The following PARD3B variants were observed in gnomAD, a reference collection of about 807,000 sequenced individuals.
PARD3B encodes the protein partitioning defective 3 homolog B.
PARD3B carries 103 observed loss-of-function variants against 130.2 expected under a neutral mutation model. The ratio of observed to expected loss-of-function variants is 0.79; its 90% CI spans 0.67 to 0.93. PARD3B has a LOEUF of 0.93. Among genes scored for constraint, PARD3B ranks in the 40% least tolerant of loss-of-function variants. The probability of loss-of-function intolerance (pLI) is 0.00; values close to 1 mark genes in which losing one functional copy is unlikely to be tolerated. For missense variants in PARD3B, 1,609 were observed against 1,499.2 expected (o/e 1.07, Z -1.21); for synonymous variants, 583 against 553.2 (o/e 1.05, Z -0.76).
chr2:205,279,430 A>G (rs1329783607), intron 16 of PARD3B, among the ~76,000 whole-genome samples: 1 of 152,058 alleles, frequency 6.6e-6, no homozygotes. Context: ...CATTTTCCTC[A>G]TTATATTTTT....
intron 1 of PARD3B, among the ~76,000 whole-genome samples, chr2:204,674,134 A>G (rs1029314757): frequency 2.0e-5 from 3 of 152,216 alleles, no homozygotes; most frequent in African/African-American, 7.2e-5. Flanking sequence ...TGAGTAAGAT[A>G]AATGAGGTTT....
At chr2:205,020,465 G>T (rs1412514116) in intron 3 of PARD3B, among the ~76,000 whole-genome samples, 1 of 152,008 alleles carries the variant, frequency 6.6e-6, no homozygotes, top group Non-Finnish European at 1.5e-5. Context: ...AAATAAGAGG[G>T]TTATTCTTCT....
rs60298501 is a variant in PARD3B, at chr2:204,764,715, C to CATGTGTGTGTGTGT, written c.222+78433_222+78434insATGTGTGTGTGTGT. Reference sequence around the variant, plus strand: ...CAGCAGGCTGAATCTGGCATGCATGCGTGTGTGTGTGTGTGTGTGTGTGTG... The same window carrying CATGTGTGTGTGTGT: ...CAGCAGGCTGAATCTGGCATGCATGCATGTGTGTGTGTGTGTGTGTGTGTGTGTGTGTGTGTGTG... On this transcript the variant is annotated intron_variant, in intron 2 of 22. Coordinates refer to ENST00000406610, the MANE Select transcript of PARD3B (RefSeq NM_001302769.2). 7.0e-3 allele frequency among the ~76,000 whole-genome samples: 1,027 copies of CATGTGTGTGTGTGT among 145,742 alleles called. 9 individuals are homozygous for CATGTGTGTGTGTGT. Among genetic ancestry groups the CATGTGTGTGTGTGT allele is most frequent in the African/African-American group, 0.024 (961 of 39,596 alleles).
chr2:205,533,516 G>A (rs942391038), intron 21 of PARD3B, among the ~76,000 whole-genome samples: 6 of 151,952 alleles, frequency 3.9e-5, no homozygotes, highest in Non-Finnish European at 2.9e-5. Flanking sequence ...TTACACTTGA[G>A]GCAAAGTATA....
At chr2:205,603,396 G>A (rs1168425306) in intron 22 of PARD3B, among the ~76,000 whole-genome samples, 1 of 152,150 alleles carries the variant, frequency 6.6e-6, no homozygotes, top group Non-Finnish European at 1.5e-5. Flanking sequence ...TTCGAGTCCT[G>A]AATATCCTTG....
intron 2 of PARD3B, among the ~76,000 whole-genome samples, chr2:204,693,271 G>C (rs1372789047): frequency 3.3e-5 from 5 of 151,830 alleles, no homozygotes; most frequent in Admixed American, 3.3e-4. Flanking sequence ...AATATTTCAG[G>C]CCAAGGTTAC....
rs1350136588 is a variant in PARD3B, at chr2:205,620,063, C to T, written c.*4250C>T. On this transcript the variant is annotated 3_prime_UTR_variant, in exon 23 of 23. Coordinates refer to ENST00000406610, the MANE Select transcript of PARD3B (RefSeq NM_001302769.2). ...TCTTTACAGACTTTTTAAGATGATC[C>T]ATTTGTACCACAGAAAACATTTTGG... is the stretch of plus-strand genomic sequence containing the variant. 6.6e-6 allele frequency: 1 copy of T among 151,942 alleles called. No individual in the cohort carries two copies. The highest frequency in any genetic ancestry group is 6.6e-5 in the Admixed American group (1 of 15,264). The allele number at this position is 151,942 out of a possible 1,614,324, so 9.4% of individuals were successfully genotyped here.
rs1171919788 is a variant in PARD3B, at chr2:205,458,257, G to C, written c.3044+17585G>C. On this transcript the variant is annotated intron_variant, in intron 20 of 22. Transcript: ENST00000406610. This position sits in a 1 kb window ranked among gnomAD's most constrained non-coding sequence, Gnocchi z 4.8. The stretch of plus-strand genomic sequence containing the variant: ...TTCAGAATTGTTTCTGTTCCCTCCT[G>C]CTCCTCTTCCTCTCCTCTTCTTCCT... Among the ~76,000 whole-genome samples the C allele has an allele frequency of 1.3e-5, 2 of 151,928 alleles. No homozygotes were observed. Among genetic ancestry groups the C allele is most frequent in the African/African-American group, 2.4e-5 (1 of 41,364 alleles).
chr2:205,301,502 G>T lies in PARD3B; in HGVS notation c.2431G>T (p.Ala811Ser). Reference protein sequence around the residue: ...SDKSSHSGQGALNCESAPQGN... With the variant: ...SDKSSHSGQGSLNCESAPQGN... ...TAAGAGCTCTCACTCTGGCCAAGGA[G>T]CTCTGAATTGTGAGTCTGCCCCTCA... The change falls in exon 18 of 23, where the codon GCT (alanine) becomes TCT (serine). Residue 811 changes from alanine (A) to serine (S), a missense_variant. Coordinates refer to ENST00000406610, the MANE Select transcript of PARD3B (RefSeq NM_001302769.2). This position sits in a 1 kb window ranked among gnomAD's most constrained non-coding sequence, Gnocchi z 5.2. The T allele has an allele frequency of 1.2e-6, 2 of 1,613,870 alleles. No homozygotes were observed. The highest frequency in any genetic ancestry group is 1.7e-6 in the Non-Finnish European group (2 of 1,179,972).
At chr2:205,235,954 C>T (rs1477034927) in intron 15 of PARD3B, among the ~76,000 whole-genome samples, 1 of 152,108 alleles carries the variant, frequency 6.6e-6, no homozygotes, top group East Asian at 1.9e-4. Flanking sequence ...GTCAATAAAC[C>T]ATTAACCAGA....
At chr2:205,518,031 T>C (rs2050867302) in intron 21 of PARD3B, among the ~76,000 whole-genome samples, 1 of 152,184 alleles carries the variant, frequency 6.6e-6, no homozygotes, top group Non-Finnish European at 1.5e-5. Flanking sequence ...GTATGTGCCA[T>C]GTGGTGATGA....
chr2:205,301,832 C>G lies in PARD3B; in HGVS notation c.2630+131C>G, dbSNP rs774587468. 2 of 1,396,998 alleles carry G rather than the reference C, an allele frequency of 1.4e-6. No individual in the cohort carries two copies. Among genetic ancestry groups the G allele is most frequent in the East Asian group, 2.3e-5 (1 of 43,828 alleles). 86.5% of individuals were successfully genotyped at this position (1,396,998 alleles called of 1,614,324 possible). On this transcript the variant is annotated intron_variant, in intron 18 of 22. Coordinates refer to ENST00000406610, the MANE Select transcript of PARD3B (RefSeq NM_001302769.2). The surrounding 1 kb of genome is among the most constrained non-coding windows in gnomAD (Gnocchi z 5.2). ...AGCCAAATGCATACGGCTCTCAATT[C>G]TGTGCTCGTTCTCTTTCTGCAGAGG...
chr2:204,979,662 T>G (rs1297523971), intron 3 of PARD3B, among the ~76,000 whole-genome samples: 1 of 152,144 alleles, frequency 6.6e-6, no homozygotes. Flanking sequence ...AGAAACTGAT[T>G]CAGTGTAATT....
At chr2:205,168,200 G>C (rs1381043721) in intron 11 of PARD3B, among the ~76,000 whole-genome samples, 3 of 151,938 alleles carry the variant, frequency 2.0e-5, no homozygotes, top group Non-Finnish European at 4.4e-5. Context: ...TTGGTTATGG[G>C]GGGATGCCAG....
At chr2:205,089,129 C>CT (rs1559425892) in intron 4 of PARD3B, among the ~76,000 whole-genome samples, 3 of 144,004 alleles carry the variant, frequency 2.1e-5, no homozygotes, top group African/African-American at 8.1e-5. Context: ...CATGGGCACT[C>CT]TCTTTTTTTT....
At chr2:204,868,274 G>A (rs900844438) in intron 2 of PARD3B, among the ~76,000 whole-genome samples, 4 of 152,126 alleles carry the variant, frequency 2.6e-5, no homozygotes, top group African/African-American at 9.7e-5. Context: ...AAGATAGTGT[G>A]CTGTACTTTT....
chr2:205,425,200 G>T (rs1181273291), intron 19 of PARD3B, among the ~76,000 whole-genome samples: 1 of 152,108 alleles, frequency 6.6e-6, no homozygotes, highest in Non-Finnish European at 1.5e-5. Context: ...GCACTCTGTA[G>T]GTTGTTCCCC....
chr2:204,784,916 G>T (rs776755919), intron 2 of PARD3B, among the ~76,000 whole-genome samples: 1 of 152,108 alleles, frequency 6.6e-6, no homozygotes, highest in African/African-American at 2.4e-5. Context: ...GACAAAAGCC[G>T]TGTATTTTTA....
At chr2:204,630,090 A>C (rs952369340) in intron 1 of PARD3B, among the ~76,000 whole-genome samples, 1 of 152,126 alleles carries the variant, frequency 6.6e-6, no homozygotes, top group Non-Finnish European at 1.5e-5. Context: ...TAAATTCTTG[A>C]GCTTATGATT....
Sources: allele counts gnomAD v4.1 joint callset (sites outside exome capture counted in the v4.1 genomes callset), GRCh38; gene constraint gnomAD v4.1.1; non-coding constraint Gnocchi (gnomAD v3.1); transcripts MANE v1.5; gene names NCBI Gene and HGNC (gene_info 2026-07-23, HGNC 2026-07-21).